The following MACROD2 variants were observed in gnomAD, a reference collection of about 807,000 sequenced individuals.
MACROD2 encodes mono-ADP ribosylhydrolase 2.
In MACROD2, 36 loss-of-function variants were observed where a neutral mutation model predicts 70.4. The ratio of observed to expected loss-of-function variants is 0.51; its 90% CI spans 0.39 to 0.68. The LOEUF is 0.68. Ranked by LOEUF, MACROD2 falls within the 30% of genes least tolerant of loss-of-function variation. The pLI is 0.00. For missense variants in MACROD2, 496 were observed against 538.4 expected (o/e 0.92, Z 0.78); for synonymous variants, 172 against 178.8 (o/e 0.96, Z 0.30).
chr20:15,917,265 T>G (rs1042442446), intron 10 of MACROD2, among the ~76,000 whole-genome samples: 4 of 152,190 alleles, frequency 2.6e-5, no homozygotes, highest in Admixed American at 2.6e-4. Flanking sequence ...ACATTTTACA[T>G]AGGATTTCTC....
At chr20:14,294,373 C>T (rs905288450) in intron 3 of MACROD2, among the ~76,000 whole-genome samples, 1 of 150,944 alleles carries the variant, frequency 6.6e-6, no homozygotes, top group African/African-American at 2.5e-5. Context: ...CCAGAGTTTA[C>T]AGCCTAATTA....
At chr20:15,031,337 C>T (rs532452576) in intron 5 of MACROD2, among the ~76,000 whole-genome samples, 41 of 152,242 alleles carry the variant, frequency 2.7e-4, no homozygotes, top group African/African-American at 9.1e-4. Flanking sequence ...ATGTGGCAAG[C>T]GAGGGGTTGT....
rs1039979631 is a variant in MACROD2, at chr20:14,779,747, C to T, written c.418+94788C>T. ...ATAACTTACTAATCTTTATATTCTC[C>T]GTATTCTTAATATCCTTCTTATCTA... is the stretch of plus-strand genomic sequence containing the variant. On this transcript the variant is annotated intron_variant, in intron 5 of 17. Coordinates refer to ENST00000684519, the MANE Select transcript of MACROD2 (RefSeq NM_001351661.2). Among the ~76,000 whole-genome samples, 8 of 152,186 alleles carry T rather than the reference C, an allele frequency of 5.3e-5. No individual in the cohort carries two copies. The East Asian group carries it at 1.3e-3, about 26-fold the overall frequency.
chr20:15,876,581 C>T (rs868258675), intron 9 of MACROD2, among the ~76,000 whole-genome samples: 8 of 152,010 alleles, frequency 5.3e-5, no homozygotes, highest in South Asian at 2.1e-4. Context: ...CATATGTGTG[C>T]GTGTGTCTTT....
intron 4 of MACROD2, among the ~76,000 whole-genome samples, chr20:14,665,253 T>C (rs1050094253): frequency 2.0e-5 from 3 of 151,994 alleles, no homozygotes; most frequent in African/African-American, 7.2e-5. Flanking sequence ...ACTTATTGAA[T>C]GGCAGCTTAA....
rs59695335 is a variant in MACROD2 at position 16,004,468 on chromosome 20, G to A, written c.1153+17310G>A. 4.3e-3 allele frequency among the ~76,000 whole-genome samples: 652 copies of A among 152,320 alleles called. 4 individuals carry two copies. Among genetic ancestry groups the A allele is most frequent in the African/African-American group, 0.015 (613 of 41,578 alleles). ...ACTAAAGGGTCCTTGTTATGCCAGGGCCACGACTACTCCAAATGTCATGCT... is the reference window on the plus strand; with the variant it reads ...ACTAAAGGGTCCTTGTTATGCCAGGACCACGACTACTCCAAATGTCATGCT... On this transcript the variant is annotated intron_variant, in intron 15 of 17. Coordinates refer to ENST00000684519, the MANE Select transcript of MACROD2 (RefSeq NM_001351661.2).
intron 8 of MACROD2, among the ~76,000 whole-genome samples, chr20:15,642,984 T>C (rs537839689): frequency 1.3e-5 from 2 of 152,348 alleles, no homozygotes; most frequent in South Asian, 2.1e-4. Context: ...TTGCCACCAA[T>C]TGAACATCTT....
chr20:14,302,540 C>T (rs1202532866), intron 3 of MACROD2, among the ~76,000 whole-genome samples: 3 of 152,018 alleles, frequency 2.0e-5, no homozygotes, highest in Non-Finnish European at 4.4e-5. Context: ...AGGCGACTTG[C>T]TTTACATGAG....
intron 5 of MACROD2, among the ~76,000 whole-genome samples, chr20:15,084,217 T>C (rs1601047779): frequency 6.6e-6 from 1 of 151,872 alleles, no homozygotes; most frequent in East Asian, 1.9e-4. Context: ...CAGGTGTGCA[T>C]CACCATTCCC....
intron 6 of MACROD2, among the ~76,000 whole-genome samples, chr20:15,359,514 A>G (rs2078327253): frequency 6.6e-6 from 1 of 151,316 alleles, no homozygotes. Context: ...ATATATACAC[A>G]ATAATTTCTT....
At chr20:14,682,551 A>G (rs2070946326) in intron 4 of MACROD2, among the ~76,000 whole-genome samples, 1 of 151,926 alleles carries the variant, frequency 6.6e-6, no homozygotes, top group South Asian at 2.1e-4. Context: ...TAACCATACT[A>G]TATGTACTTT....
intron 5 of MACROD2, among the ~76,000 whole-genome samples, chr20:14,784,977 T>C (rs2072349851): frequency 6.6e-6 from 1 of 152,018 alleles, no homozygotes; most frequent in Admixed American, 6.6e-5. Context: ...CATATTTTTC[T>C]GAGAAGAAAG....
chr20:15,301,389 G>A (rs1262069584), intron 6 of MACROD2, among the ~76,000 whole-genome samples: 3 of 152,176 alleles, frequency 2.0e-5, no homozygotes, highest in African/African-American at 7.2e-5. Flanking sequence ...CAGAGAATCA[G>A]AGAAAGCAGC....
intron 8 of MACROD2, among the ~76,000 whole-genome samples, chr20:15,542,097 A>T (rs2047965233): frequency 6.6e-6 from 1 of 152,198 alleles, no homozygotes; most frequent in Non-Finnish European, 1.5e-5. Context: ...TGTGACAGGC[A>T]TCTTGGGGTT....
intron 3 of MACROD2, among the ~76,000 whole-genome samples, chr20:14,246,990 T>A (rs904612144): frequency 6.6e-6 from 1 of 152,190 alleles, no homozygotes; most frequent in Non-Finnish European, 1.5e-5. Context: ...TCCTTTTGTC[T>A]CCTCTCATTT....
At chr20:14,545,843 C>T (rs921893290) in intron 4 of MACROD2, among the ~76,000 whole-genome samples, 1 of 151,682 alleles carries the variant, frequency 6.6e-6, no homozygotes, top group African/African-American at 2.4e-5. Context: ...AGAATCTATA[C>T]AAGCCATAAA....
intron 4 of MACROD2, among the ~76,000 whole-genome samples, chr20:14,604,398 A>G (rs953823594): frequency 1.3e-5 from 2 of 152,162 alleles, no homozygotes; most frequent in Non-Finnish European, 2.9e-5. Flanking sequence ...TCTTGTGGGT[A>G]TAGGTCCCTT....
intron 6 of MACROD2, among the ~76,000 whole-genome samples, chr20:15,377,690 C>A (rs1194871870): frequency 6.6e-6 from 1 of 152,196 alleles, no homozygotes; most frequent in Non-Finnish European, 1.5e-5. Flanking sequence ...TGGTCTGAAA[C>A]TTAGAGAATA....
chr20:15,176,700 A>G (rs938963975), intron 5 of MACROD2, among the ~76,000 whole-genome samples: 2 of 152,106 alleles, frequency 1.3e-5, no homozygotes, highest in African/African-American at 4.8e-5. Flanking sequence ...TGGATGTGGA[A>G]CAAGAACTCA....
Sources: gnomAD v4.1 joint callset for allele counts (sites outside exome capture counted in the v4.1 genomes callset) on GRCh38, gnomAD v4.1.1 for gene constraint, MANE v1.5 for transcripts, NCBI Gene and HGNC (gene_info 2026-07-23, HGNC 2026-07-21) for gene names.